Variants in ANLN observed in about 807,000 individuals in gnomAD.
ANLN encodes the protein anillin.
Under a neutral mutation model 135.1 loss-of-function variants are expected in ANLN, and 59 were observed. The ratio of observed to expected loss-of-function variants is 0.44; its 90% CI spans 0.35 to 0.54. The LOEUF is 0.54. ANLN is among the 20% of genes least tolerant of loss of function. ANLN has a pLI of 0.00. For synonymous variants in ANLN, 406 were observed against 456.4 expected (o/e 0.89, Z 1.41); for missense variants, 1,182 against 1,340.0 (o/e 0.88, Z 1.84).
At chr7:36,448,356 A>C (rs2116829211) in intron 22 of ANLN, among the ~76,000 whole-genome samples, 1 of 152,342 alleles carries the variant, frequency 6.6e-6, no homozygotes, top group African/African-American at 2.4e-5. Flanking sequence ...AATGTACACA[A>C]AGCAAAAATA....
intron 21 of ANLN, among the ~76,000 whole-genome samples, chr7:36,439,657 T>A (rs960520066): frequency 1.3e-5 from 2 of 152,208 alleles, no homozygotes. Flanking sequence ...ACTGAGTAAG[T>A]TAATCTGAGA....
chr7:36,400,789 A>G (rs1444581576), intron 3 of ANLN, among the ~76,000 whole-genome samples: 2 of 152,204 alleles, frequency 1.3e-5, no homozygotes, highest in African/African-American at 4.8e-5. Context: ...GGCTGATTGT[A>G]TCAGAATCAC....
At position 36,415,835 on chromosome 7, in the gene ANLN, G is replaced by C; in HGVS notation, c.1473G>C (p.Lys491Asn). The change falls in exon 8 of 24, where the codon AAG (lysine) becomes AAC (asparagine). Residue 491 changes from lysine (K) to asparagine (N), a missense_variant. Lys to Asn is a moderately conservative substitution (Grantham distance 94). Coordinates refer to ENST00000265748, the MANE Select transcript of ANLN (RefSeq NM_018685.5). ...CTCAGTCACTTCCAGTAACAGAAAAGGTGACCGAAAACCAGATACCAGCCA... is the reference window on the plus strand; with the variant it reads ...CTCAGTCACTTCCAGTAACAGAAAACGTGACCGAAAACCAGATACCAGCCA... ...SKTQSLPVTE[K>N]VTENQIPAKN... 2 of 1,609,250 alleles carry C rather than the reference G, an allele frequency of 1.2e-6. No individual in the cohort carries two copies. Among genetic ancestry groups the C allele is most frequent in the South Asian group, 2.2e-5 (2 of 90,022 alleles).
At chr7:36,394,518 G>A (rs1296806820) in intron 1 of ANLN, among the ~76,000 whole-genome samples, 2 of 152,040 alleles carry the variant, frequency 1.3e-5, no homozygotes, top group Non-Finnish European at 2.9e-5. Flanking sequence ...TTTATTTAGC[G>A]GGTGAAGGTC....
intron 1 of ANLN, among the ~76,000 whole-genome samples, chr7:36,394,292 G>A (rs1036075578): frequency 3.3e-5 from 5 of 152,178 alleles, no homozygotes; most frequent in African/African-American, 1.2e-4. Context: ...AAAAGGAGGG[G>A]TATAACAAGG....
intron 19 of ANLN, among the ~76,000 whole-genome samples, 176 bp from the exon 20 acceptor site, chr7:36,426,740 C>G (rs1394461828): frequency 1.3e-5 from 2 of 152,066 alleles, no homozygotes; most frequent in African/African-American, 2.4e-5. Context: ...GCTTGTACCT[C>G]TTTCATTAGG....
intron 20 of ANLN, among the ~76,000 whole-genome samples, chr7:36,427,587 C>T (rs975973981): frequency 4.6e-5 from 7 of 152,180 alleles, no homozygotes; most frequent in Non-Finnish European, 8.8e-5. Context: ...CTCCTGGGCT[C>T]TGGCCATCTG....
intron 2 of ANLN, among the ~76,000 whole-genome samples, chr7:36,396,850 AC>A (rs1412559417): frequency 3.3e-5 from 5 of 152,040 alleles, no homozygotes; most frequent in Non-Finnish European, 5.9e-5. Flanking sequence ...CATTTAATGA[AC>A]CCTTTTCACT....
intron 20 of ANLN, among the ~76,000 whole-genome samples, chr7:36,438,336 C>T (rs550939486): frequency 6.6e-6 from 1 of 152,212 alleles, no homozygotes; most frequent in East Asian, 1.9e-4. Flanking sequence ...TTCTTTTGTC[C>T]ATATGTCTGT....
chr7:36,394,068 G>A (rs1786592086), intron 1 of ANLN, among the ~76,000 whole-genome samples: 1 of 152,056 alleles, frequency 6.6e-6, no homozygotes, highest in African/African-American at 2.4e-5. Flanking sequence ...TAATCCTTTT[G>A]CTTCAGCCAC....
intron 20 of ANLN, among the ~76,000 whole-genome samples, chr7:36,437,649 TTATC>T (rs1433955331): frequency 1.3e-5 from 2 of 152,128 alleles, no homozygotes; most frequent in African/African-American, 4.8e-5. Flanking sequence ...GAAGTCTAAT[TTATC>T]TATTTTTTCC....
In ANLN at chr7:36,420,221, A is replaced by G. The variant is rs149823989; in HGVS notation, c.1922A>G (p.Glu641Gly). Reference protein sequence around the residue: ...LELKDTSRSDESPKPGKFQRT... With the variant: ...LELKDTSRSDGSPKPGKFQRT... ...TTGAAAGACACCAGCAGAAGTGATG[A>G]AAGTCCAAAACCAGGAAAATTCCAA... Residue 641 changes from glutamate (E) to glycine (G), a missense_variant, in exon 11 of 24, where the codon GAA becomes GGA. By Grantham distance (98) the Glu-to-Gly change is moderately conservative (BLOSUM62 -2). Coordinates refer to ENST00000265748, the MANE Select transcript of ANLN (RefSeq NM_018685.5). 5 of 1,613,968 alleles carry G rather than the reference A, an allele frequency of 3.1e-6. No homozygotes were observed. The highest frequency in any genetic ancestry group is 3.4e-6 in the Non-Finnish European group (4 of 1,179,970).
intron 21 of ANLN, among the ~76,000 whole-genome samples, chr7:36,439,878 T>G (rs1378827405): frequency 2.0e-5 from 3 of 152,114 alleles, no homozygotes; most frequent in Non-Finnish European, 2.9e-5. Flanking sequence ...GGGCAAGAGT[T>G]CAAGGGCCTT....
At chr7:36,425,782 T>C (rs1226661239) in intron 18 of ANLN, 42 bp downstream of exon 18, 4 of 1,577,214 alleles carry the variant, frequency 2.5e-6, no homozygotes, top group Non-Finnish European at 3.5e-6. Context: ...TTGAGAAATC[T>C]TCATCTTACC....
intron 20 of ANLN, among the ~76,000 whole-genome samples, chr7:36,436,425 CAT>C (rs1334252547): frequency 3.9e-5 from 6 of 152,158 alleles, no homozygotes; most frequent in Admixed American, 6.5e-5. Flanking sequence ...CTGCTTTGAA[CAT>C]GTGTGTGCAT....
At chr7:36,421,381 T>C (rs951274850) in intron 12 of ANLN, among the ~76,000 whole-genome samples, 2 of 152,122 alleles carry the variant, frequency 1.3e-5, no homozygotes, top group African/African-American at 4.8e-5. Context: ...AAAAAAAATA[T>C]TTTAATTATA....
intron 9 of ANLN, 37 bp downstream of exon 9, chr7:36,417,227 C>T (rs748641849): frequency 2.6e-6 from 3 of 1,145,806 alleles, no homozygotes; most frequent in South Asian, 2.8e-5. Context: ...TAACTTTGCA[C>T]ATACTATAGG....
chr7:36,413,028 G>A (rs1313416319), intron 7 of ANLN, among the ~76,000 whole-genome samples: 2 of 151,900 alleles, frequency 1.3e-5, no homozygotes, highest in African/African-American at 2.4e-5. Flanking sequence ...TGTGAATGTT[G>A]TAAGTTTGCA....
intron 20 of ANLN, among the ~76,000 whole-genome samples, chr7:36,435,835 T>C (rs1419438065): frequency 9.1e-6 from 1 of 110,342 alleles, no homozygotes; most frequent in East Asian, 3.0e-4. Context: ...ATCGCGCCAC[T>C]GCACTCCAGC....
Sources: allele counts gnomAD v4.1 joint callset (sites outside exome capture counted in the v4.1 genomes callset), GRCh38; gene constraint gnomAD v4.1.1; transcripts MANE v1.5; gene names NCBI Gene and HGNC (gene_info 2026-07-23, HGNC 2026-07-21).